Variants in PEAK1 observed in about 807,000 individuals in gnomAD.
PEAK1 encodes pseudopodium enriched atypical kinase 1.
PEAK1 carries 54 observed loss-of-function variants against 124.7 expected under a neutral mutation model. The ratio of observed to expected loss-of-function variants is 0.43; its 90% CI spans 0.35 to 0.54. The LOEUF (loss-of-function observed/expected upper bound fraction) is 0.54. Ranked by LOEUF, PEAK1 falls within the 20% of genes least tolerant of loss-of-function variation. The pLI is 0.01. For synonymous variants in PEAK1, 719 were observed against 760.0 expected, an observed-to-expected ratio of 0.95 and a Z score of 0.89; for missense variants, 2,046 against 2,134.5, an observed-to-expected ratio of 0.96 and a Z score of 0.82.
At chr15:77,338,178 T>A (rs1362557546) in intron 2 of PEAK1, 1 of 861,430 alleles carries the variant, frequency 1.2e-6, no homozygotes, top group African/African-American at 1.8e-5. Context: ...AGTAGCCTTC[T>A]CTAAAGACTG....
intron 2 of PEAK1, among the ~76,000 whole-genome samples, chr15:77,298,484 C>T (rs2063626777): frequency 6.6e-6 from 1 of 151,874 alleles, no homozygotes; most frequent in Non-Finnish European, 1.5e-5. Flanking sequence ...TCCCAAAGTG[C>T]TGGGATTACA....
Position 77,177,860 on chromosome 15 carries a change from G to A in PEAK1, c.3137+930C>T, listed in dbSNP as rs368850187. On this transcript the variant is annotated intron_variant, in intron 7 of 9. Coordinates refer to ENST00000682557, the MANE Select transcript of PEAK1 (RefSeq NM_001385026.1). Reference sequence around the variant, plus strand: ...TATGTATTTATGTGAATGATTACAAGTGAGAATATAACAATTTTTATTGAT... The same window carrying A: ...TATGTATTTATGTGAATGATTACAAATGAGAATATAACAATTTTTATTGAT... 5.9e-5 allele frequency: 9 copies of A among 152,292 alleles called. No homozygotes were observed. In the South Asian group the frequency reaches 8.3e-4, roughly 14 times the overall value. The allele number at this position is 152,292 out of a possible 1,614,324, so 9.4% of individuals were successfully genotyped here.
At chr15:77,257,571 G>T (rs1567175942) in intron 5 of PEAK1, among the ~76,000 whole-genome samples, 1 of 151,540 alleles carries the variant, frequency 6.6e-6, no homozygotes, top group Admixed American at 6.6e-5. Flanking sequence ...TTTTGATGGG[G>T]TTGTTTGTTT....
chr15:77,350,663 CCCCTACAGCTCAGTT>C (rs1455556387), intron 2 of PEAK1: 1 of 984,696 alleles, frequency 1.0e-6, no homozygotes, highest in Non-Finnish European at 1.2e-6. Context: ...ACTACAGATC[CCCCTACAGCTCAGTT>C]CCCTACAGCT....
chr15:77,137,024 A>G (rs922979154), intron 8 of PEAK1, among the ~76,000 whole-genome samples: 1 of 152,200 alleles, frequency 6.6e-6, no homozygotes, highest in Non-Finnish European at 1.5e-5. Flanking sequence ...GCCACTGTAG[A>G]GCTCAGGCTG....
chr15:77,381,251 TTA>T, intron 1 of PEAK1: 1 of 981,626 alleles, frequency 1.0e-6, no homozygotes, highest in African/African-American at 1.7e-5. Flanking sequence ...TAATTGATCC[TTA>T]AAGAATACAG....
chr15:77,127,092 T>C (rs2052439446), intron 9 of PEAK1, among the ~76,000 whole-genome samples: 1 of 152,170 alleles, frequency 6.6e-6, no homozygotes, highest in East Asian at 1.9e-4. Context: ...AGGATTAGTG[T>C]CCTTCTAAGA....
chr15:77,122,149 G>A (rs1486970768), intron 9 of PEAK1, among the ~76,000 whole-genome samples: 1 of 152,070 alleles, frequency 6.6e-6, no homozygotes, highest in Non-Finnish European at 1.5e-5. Flanking sequence ...TATATAAAAC[G>A]CTGTGTGGGC....
intron 1 of PEAK1, among the ~76,000 whole-genome samples, chr15:77,414,920 C>A (rs2072749111): frequency 6.6e-6 from 1 of 152,194 alleles, no homozygotes; most frequent in Admixed American, 6.5e-5. Context: ...AGTAGAGCTA[C>A]AATACTCAAT....
At chr15:77,188,893 A>G (rs1324798823) in intron 6 of PEAK1, among the ~76,000 whole-genome samples, 1 of 152,060 alleles carries the variant, frequency 6.6e-6, no homozygotes, top group Non-Finnish European at 1.5e-5. Context: ...CAGGCCCTTT[A>G]CCCATAAAAA....
intron 6 of PEAK1, among the ~76,000 whole-genome samples, chr15:77,245,477 T>C (rs895119513): frequency 4.6e-5 from 7 of 152,248 alleles, no homozygotes; most frequent in South Asian, 4.1e-4. Flanking sequence ...GGCAGGCGGA[T>C]TGCCTGAGGT....
In PEAK1 at chr15:77,110,614, C is replaced by T. The variant is rs2050926371; in HGVS notation, c.*3542G>A. Reference sequence around the variant, plus strand: ...TAACCAATATGTTTTACTTCTAGCTCCTCAACAGCAGCAGGGTAGGTAGGA... The same window carrying T: ...TAACCAATATGTTTTACTTCTAGCTTCTCAACAGCAGCAGGGTAGGTAGGA... On this transcript the variant is annotated 3_prime_UTR_variant, in exon 10 of 10. Coordinates refer to ENST00000682557, the MANE Select transcript of PEAK1 (RefSeq NM_001385026.1). 1 of 152,196 alleles carries T rather than the reference C, an allele frequency of 6.6e-6. No homozygotes were observed. Among genetic ancestry groups the T allele is most frequent in the African/African-American group, 2.4e-5 (1 of 41,446 alleles). 9.4% of individuals were successfully genotyped at this position (152,196 alleles called of 1,614,324 possible).
intron 1 of PEAK1, among the ~76,000 whole-genome samples, chr15:77,387,953 T>C (rs2070095330): frequency 6.6e-6 from 1 of 152,068 alleles, no homozygotes; most frequent in Non-Finnish European, 1.5e-5. Context: ...AGTTGGTTAG[T>C]AAGGAGGGGA....
intron 2 of PEAK1, among the ~76,000 whole-genome samples, chr15:77,326,495 G>T (rs1315185808): frequency 6.6e-6 from 1 of 152,072 alleles, no homozygotes; most frequent in Non-Finnish European, 1.5e-5. Flanking sequence ...ATCTAACAAA[G>T]CTAAAAAGCT....
intron 9 of PEAK1, among the ~76,000 whole-genome samples, chr15:77,125,490 G>GTGTGTGTA (rs1294887980): frequency 1.3e-5 from 2 of 152,010 alleles, no homozygotes; most frequent in Non-Finnish European, 2.9e-5. Flanking sequence ...GTGTGTGTGT[G>GTGTGTGTA]TGTGTGTATG....
chr15:77,217,687 G>A (rs1201437861), intron 6 of PEAK1, among the ~76,000 whole-genome samples: 2 of 152,206 alleles, frequency 1.3e-5, no homozygotes, highest in Admixed American at 6.5e-5. Context: ...CCGCATTGAT[G>A]TGGTTAAATC....
intron 9 of PEAK1, 129 bp from the exon 10 acceptor site, chr15:77,115,448 GC>G: frequency 2.4e-6 from 2 of 831,078 alleles, no homozygotes; most frequent in African/African-American, 1.7e-5. Context: ...CGCAAGGCTT[GC>G]CCCATGTTAA....
intron 5 of PEAK1, among the ~76,000 whole-genome samples, chr15:77,274,173 C>T (rs901707749): frequency 6.6e-6 from 1 of 152,162 alleles, no homozygotes; most frequent in Non-Finnish European, 1.5e-5. Context: ...CATAAAAATT[C>T]TAGAAGATAA....
chr15:77,189,576 A>G (rs1306779528), intron 6 of PEAK1, among the ~76,000 whole-genome samples: 1 of 152,226 alleles, frequency 6.6e-6, no homozygotes, highest in Non-Finnish European at 1.5e-5. Flanking sequence ...CTGCAGAATA[A>G]GCCAGAAGGA....
Sources: gnomAD v4.1 joint callset for allele counts (sites outside exome capture counted in the v4.1 genomes callset) on GRCh38, gnomAD v4.1.1 for gene constraint, MANE v1.5 for transcripts, NCBI Gene and HGNC (gene_info 2026-07-23, HGNC 2026-07-21) for gene names.